GABRA3: variants seen among roughly 807,000 people sequenced by gnomAD.
GABRA3 encodes the protein gamma-aminobutyric acid type A receptor subunit alpha3.
In GABRA3, 10 loss-of-function variants were observed where a neutral mutation model predicts 30.1. The ratio of observed to expected loss-of-function variants is 0.33; its 90% confidence interval spans 0.20 to 0.56. The LOEUF (loss-of-function observed/expected upper bound fraction) is 0.56, where lower values mean the gene tolerates loss of function less well. Among genes scored for constraint, GABRA3 ranks in the 20% least tolerant of loss-of-function variants. GABRA3 has a pLI of 0.89. For synonymous variants in GABRA3, 151 were observed against 146.8 expected, an observed-to-expected ratio of 1.03 and a Z score of -0.21; for missense variants, 233 against 392.0, an observed-to-expected ratio of 0.59 and a Z score of 3.42.
chrX:152,291,506 T>C (rs773815387), intron 3 of GABRA3, among the ~76,000 whole-genome samples: 2 of 111,743 alleles, frequency 1.8e-5, no homozygotes, highest in East Asian at 5.7e-4. Context: ...CCTTTATTTA[T>C]TTCTCTTGCA....
chrX:152,292,552 G>T (rs144727097), intron 3 of GABRA3, among the ~76,000 whole-genome samples: 2,678 of 111,294 alleles, frequency 0.024, 39 homozygotes, highest in Middle Eastern at 0.07. Flanking sequence ...AGCTCCTTCA[G>T]TTCTGCTCTG....
chrX:152,168,337 T>C lies in GABRA3; in HGVS notation c.1370A>G (p.Lys457Arg). 2 of 1,211,317 alleles carry C rather than the reference T, an allele frequency of 1.7e-6. No individual in the cohort carries two copies. Among genetic ancestry groups the C allele is most frequent in the Non-Finnish European group, 2.2e-6 (2 of 895,234 alleles). ...CACAGGAAAGATGATGCGGGAAATT[T>C]TGTCAACCTTGCTGACACTGTTGTA... ...KTYNSVSKVD[K>R]ISRIIFPVLF... The change falls in exon 10 of 10, where the codon AAA becomes AGA. Residue 457 changes from lysine to arginine, a missense_variant. Coordinates refer to ENST00000370314, the MANE Select transcript of GABRA3 (RefSeq NM_000808.4).
intron 1 of GABRA3, among the ~76,000 whole-genome samples, chrX:152,397,460 ACAGGTTATGCTT>A (rs770345194): frequency 8.9e-6 from 1 of 111,757 alleles, no homozygotes; most frequent in East Asian, 2.8e-4. Context: ...GCCACAGGTG[ACAGGTTATGCTT>A]CAGGTAGGAA....
At chrX:152,386,955 T>A (rs945444844) in intron 1 of GABRA3, among the ~76,000 whole-genome samples, 1 of 106,534 alleles carries the variant, frequency 9.4e-6, no homozygotes, top group African/African-American at 3.4e-5. Context: ...CACCATGGAA[T>A]ACTATGCAGC....
At chrX:152,273,335 G>A (rs1321664130) in intron 4 of GABRA3, among the ~76,000 whole-genome samples, 1 of 112,096 alleles carries the variant, frequency 8.9e-6, no homozygotes, top group South Asian at 3.7e-4. Context: ...ATACACTGTT[G>A]GTGGAAATGT....
At chrX:152,317,043 C>A (rs773217857) in intron 3 of GABRA3, among the ~76,000 whole-genome samples, 6 of 111,851 alleles carry the variant, frequency 5.4e-5, no homozygotes, top group South Asian at 3.7e-4. Flanking sequence ...GGCCTGCATG[C>A]TCCACTTAAA....
At chrX:152,288,124 G>T (rs1324805359) in intron 3 of GABRA3, among the ~76,000 whole-genome samples, 1 of 111,691 alleles carries the variant, frequency 9.0e-6, no homozygotes, top group Non-Finnish European at 1.9e-5. Context: ...AGTGAGAGAG[G>T]GCTCTGAATT....
intron 1 of GABRA3, among the ~76,000 whole-genome samples, chrX:152,392,638 T>C (rs929735760): frequency 9.0e-6 from 1 of 111,603 alleles, no homozygotes; most frequent in African/African-American, 3.3e-5. Flanking sequence ...TCTCAATACA[T>C]GAATGATTAT....
At chrX:152,309,009 G>T in intron 3 of GABRA3, among the ~76,000 whole-genome samples, 1 of 112,293 alleles carries the variant, frequency 8.9e-6, no homozygotes, top group Non-Finnish European at 1.9e-5. Flanking sequence ...ATTATTAACA[G>T]CAGAATAGAG....
chrX:152,341,968 A>G (rs56251214), intron 3 of GABRA3, among the ~76,000 whole-genome samples: 24,474 of 109,780 alleles, frequency 0.22, 2,645 homozygotes, highest in African/African-American at 0.43. Context: ...CGTCTCCCGG[A>G]TTCAAGCAAT....
chrX:152,225,140 A>G (rs1937916987), intron 5 of GABRA3, among the ~76,000 whole-genome samples: 1 of 109,397 alleles, frequency 9.1e-6, no homozygotes, highest in Non-Finnish European at 1.9e-5. Flanking sequence ...ACCCCCCCCA[A>G]GAAGCCTGGA....
At chrX:152,329,003 C>T (rs1381412882) in intron 3 of GABRA3, among the ~76,000 whole-genome samples, 1 of 112,209 alleles carries the variant, frequency 8.9e-6, no homozygotes, top group Non-Finnish European at 1.9e-5. Flanking sequence ...TCAGCAAAGT[C>T]TCTGGATACA....
At chrX:152,244,619 A>C (rs2124405081) in intron 5 of GABRA3, among the ~76,000 whole-genome samples, 1 of 111,427 alleles carries the variant, frequency 9.0e-6, no homozygotes, top group Non-Finnish European at 1.9e-5. Context: ...GTTTTATTAT[A>C]GCAGTTCAAA....
At chrX:152,327,092 C>CAA (rs752450014) in intron 3 of GABRA3, among the ~76,000 whole-genome samples, 2 of 108,606 alleles carry the variant, frequency 1.8e-5, no homozygotes, top group East Asian at 2.9e-4. Context: ...CAACAAAGAT[C>CAA]AAGAGACAAA....
At chrX:152,215,275 C>T (rs1937699210) in intron 6 of GABRA3, among the ~76,000 whole-genome samples, 1 of 109,679 alleles carries the variant, frequency 9.1e-6, no homozygotes, top group Non-Finnish European at 1.9e-5. Context: ...CTTTTCCATT[C>T]AGTATGATGT....
At chrX:152,338,888 A>G (rs938485293) in intron 3 of GABRA3, among the ~76,000 whole-genome samples, 4 of 98,790 alleles carry the variant, frequency 4.0e-5, no homozygotes, top group African/African-American at 1.3e-4. Context: ...CCACTGGTTT[A>G]TGTGTCAGTT....
chrX:152,316,236 C>T (rs1939876387), intron 3 of GABRA3, among the ~76,000 whole-genome samples: 1 of 109,988 alleles, frequency 9.1e-6, no homozygotes, highest in Non-Finnish European at 1.9e-5. Flanking sequence ...AGCAATAGAA[C>T]AGAAAAAGCA....
intron 7 of GABRA3, 25 bp from the exon 8 acceptor site, chrX:152,197,810 G>A: frequency 8.7e-7 from 1 of 1,148,408 alleles, no homozygotes; most frequent in Admixed American, 2.3e-5. Context: ...AAATTAGGCA[G>A]TATGTAGCTA....
chrX:152,226,638 C>A (rs887909327), intron 5 of GABRA3, among the ~76,000 whole-genome samples: 4 of 111,404 alleles, frequency 3.6e-5, no homozygotes, highest in Non-Finnish European at 7.5e-5. Flanking sequence ...ACTCATCTGA[C>A]AAAAGGCTAA....
Sources: allele counts gnomAD v4.1 joint callset (sites outside exome capture counted in the v4.1 genomes callset), GRCh38; gene constraint gnomAD v4.1.1; transcripts MANE v1.5; gene names NCBI Gene and HGNC (gene_info 2026-07-23, HGNC 2026-07-21).